The following PEX5L variants were observed in gnomAD, a reference collection of about 807,000 sequenced individuals.
The protein encoded by PEX5L is peroxisomal biogenesis factor 5 like.
A neutral mutation model predicts 84.0 loss-of-function variants in PEX5L; 30 were observed. The observed-to-expected ratio is 0.36, with a 90% CI of 0.27 to 0.48. The LOEUF (loss-of-function observed/expected upper bound fraction) is 0.48, where lower values mean the gene tolerates loss of function less well. Ranked by LOEUF, PEX5L falls within the 20% of genes least tolerant of loss-of-function variation. The pLI is 0.99. For synonymous variants in PEX5L, 270 were observed against 283.1 expected, an observed-to-expected ratio of 0.95 and a Z score of 0.46; for missense variants, 533 against 754.6, an observed-to-expected ratio of 0.71 and a Z score of 3.44.
At chr3:180,005,891 G>T (rs1211705370) in intron 1 of PEX5L, among the ~76,000 whole-genome samples, 1 of 152,024 alleles carries the variant, frequency 6.6e-6, no homozygotes, top group Non-Finnish European at 1.5e-5. Flanking sequence ...TTCTCAAAAA[G>T]GTATGCCTTT....
At chr3:179,811,461 C>T (rs1723827179) in intron 11 of PEX5L, among the ~76,000 whole-genome samples, 1 of 152,110 alleles carries the variant, frequency 6.6e-6, no homozygotes, top group African/African-American at 2.4e-5. Flanking sequence ...CAGTACTCCA[C>T]TTATTTTTTT....
chr3:179,918,499 G>A (rs559389368), intron 2 of PEX5L, among the ~76,000 whole-genome samples: 132 of 152,222 alleles, frequency 8.7e-4, no homozygotes, highest in Middle Eastern at 3.4e-3. Flanking sequence ...TTTTTTAAGC[G>A]TCACTGAAGT....
At chr3:179,861,741 A>G (rs1206123444) in intron 7 of PEX5L, among the ~76,000 whole-genome samples, 1 of 152,240 alleles carries the variant, frequency 6.6e-6, no homozygotes, top group Non-Finnish European at 1.5e-5. Context: ...AGGGTCTTAG[A>G]GCCAGATTTA....
At chr3:179,924,621 T>A (rs1447764335) in intron 2 of PEX5L, among the ~76,000 whole-genome samples, 1 of 152,150 alleles carries the variant, frequency 6.6e-6, no homozygotes, top group East Asian at 1.9e-4. Context: ...GCAAATTGCA[T>A]GTGCTGTTCT....
At chr3:180,027,619 GTA>G (rs1791087798) in intron 1 of PEX5L, among the ~76,000 whole-genome samples, 2 of 152,216 alleles carry the variant, frequency 1.3e-5, no homozygotes, top group South Asian at 4.1e-4. Context: ...CATAGCCACA[GTA>G]TAGTCATCCA....
intron 5 of PEX5L, 22 bp from the exon 6 acceptor site, chr3:179,875,499 G>C (rs770751399): frequency 6.2e-7 from 1 of 1,611,004 alleles, no homozygotes; most frequent in Non-Finnish European, 8.5e-7. Context: ...AGAGGAAGCA[G>C]GTGAGGCAGG....
chr3:179,863,196 A>C lies in PEX5L; in HGVS notation c.727-4039T>G, dbSNP rs115410123. Among the ~76,000 whole-genome samples the C allele has an allele frequency of 8.5e-3, 1,291 of 152,330 alleles. 21 individuals carry two copies. Among genetic ancestry groups the C allele is most frequent in the African/African-American group, 0.03 (1,236 of 41,568 alleles). ...ATATACAAAAACCAACTCAAAATGG[A>C]TTGAAGACTTAAATGTAATACCTGA... On this transcript the variant is annotated intron_variant, in intron 7 of 14. Transcript: ENST00000467460.
At position 179,895,877 on chromosome 3, in the gene PEX5L, C is replaced by T. The variant is rs191158558; in HGVS notation, c.198+2265G>A. Among the ~76,000 whole-genome samples, 261 of 152,220 alleles carry T rather than the reference C, an allele frequency of 1.7e-3. 3 individuals carry two copies. Among genetic ancestry groups the T allele is most frequent in the Non-Finnish European group, 3.3e-3 (222 of 67,998 alleles). On this transcript the variant is annotated intron_variant, in intron 3 of 14. Transcript: ENST00000467460. ...TTATAGAGTAGTAATTATCTTCAGA[C>T]ATATCTGGAATCTATCACATGAGCA...
rs180857912 is a variant in PEX5L at position 179,971,618 on chromosome 3, G to C, written c.69C>G (p.Leu23=). Residue 23 remains leucine (L), a synonymous_variant, in exon 2 of 15, where the codon CTC becomes CTG. Coordinates refer to ENST00000467460, the MANE Select transcript of PEX5L (RefSeq NM_016559.3). Reference sequence around the variant, plus strand: ...CCTGCTTTTGATCAACAATTATTTCGAGGTCTTCATCACTGCTTAGTTTTC... The same window carrying C: ...CCTGCTTTTGATCAACAATTATTTCCAGGTCTTCATCACTGCTTAGTTTTC... ...GYGKLSSDED[L]EIIVDQKQGK... 1.2e-6 allele frequency: 2 copies of C among 1,607,240 alleles called. No individual in the cohort carries two copies. The highest frequency in any genetic ancestry group is 1.7e-6 in the Non-Finnish European group (2 of 1,177,038).
chr3:180,008,908 A>T (rs1157980194), intron 1 of PEX5L, among the ~76,000 whole-genome samples: 1 of 152,220 alleles, frequency 6.6e-6, no homozygotes. Context: ...TTTTTCATTC[A>T]GCTCAAACAG....
At chr3:179,894,633 A>G (rs1320983377) in intron 3 of PEX5L, among the ~76,000 whole-genome samples, 6 of 152,180 alleles carry the variant, frequency 3.9e-5, no homozygotes, top group African/African-American at 1.4e-4. Context: ...AACCCAAACA[A>G]GGCTGTACTT....
At chr3:179,860,987 G>A (rs906063863) in intron 7 of PEX5L, among the ~76,000 whole-genome samples, 2 of 152,182 alleles carry the variant, frequency 1.3e-5, no homozygotes, top group African/African-American at 2.4e-5. Context: ...GCATAGGTGA[G>A]GAGTCAACAA....
At chr3:179,923,301 A>AAAAC (rs373203984) in intron 2 of PEX5L, among the ~76,000 whole-genome samples, 38,965 of 143,164 alleles carry the variant, frequency 0.27, 6,081 homozygotes, top group East Asian at 0.57. Flanking sequence ...AAAAAAAAAA[A>AAAAC]AAAAAAAAAA....
chr3:179,908,387 G>C (rs1234845873), intron 2 of PEX5L, among the ~76,000 whole-genome samples: 4 of 152,204 alleles, frequency 2.6e-5, no homozygotes, highest in Non-Finnish European at 5.9e-5. Flanking sequence ...CCAACACCCA[G>C]ACTGGAGTCA....
chr3:180,001,916 A>G (rs1479332543), intron 1 of PEX5L, among the ~76,000 whole-genome samples: 1 of 152,198 alleles, frequency 6.6e-6, no homozygotes, highest in Non-Finnish European at 1.5e-5. Context: ...ACATATTTGT[A>G]GGTAAATATA....
At chr3:180,023,548 G>A (rs1790609255) in intron 1 of PEX5L, among the ~76,000 whole-genome samples, 1 of 152,040 alleles carries the variant, frequency 6.6e-6, no homozygotes, top group Non-Finnish European at 1.5e-5. Context: ...TAAACTGGGG[G>A]AATCGGCCCT....
intron 2 of PEX5L, among the ~76,000 whole-genome samples, chr3:179,944,203 T>C (rs2109848641): frequency 6.6e-6 from 1 of 152,364 alleles, no homozygotes; most frequent in Admixed American, 6.5e-5. Flanking sequence ...CACAAATCTC[T>C]GTTGGAAGAG....
intron 1 of PEX5L, among the ~76,000 whole-genome samples, chr3:180,009,768 CCT>C (rs1789258701): frequency 6.6e-6 from 1 of 151,452 alleles, no homozygotes; most frequent in Non-Finnish European, 1.5e-5. Context: ...TTGTTTTTTT[CCT>C]CTGTCTCATC....
intron 4 of PEX5L, among the ~76,000 whole-genome samples, chr3:179,885,497 TC>T (rs1755549031): frequency 1.3e-5 from 2 of 151,960 alleles, no homozygotes; most frequent in South Asian, 4.2e-4. Context: ...ATACAAAAAA[TC>T]AGCCAGTCGT....
Sources: allele counts gnomAD v4.1 joint callset (sites outside exome capture counted in the v4.1 genomes callset), GRCh38; gene constraint gnomAD v4.1.1; transcripts MANE v1.5; gene names NCBI Gene and HGNC (gene_info 2026-07-23, HGNC 2026-07-21).